KLHL13: variants seen among roughly 807,000 people sequenced by gnomAD.
KLHL13 encodes the protein kelch like family member 13.
A neutral mutation model predicts 37.1 loss-of-function variants in KLHL13; 10 were observed. The ratio of observed to expected loss-of-function variants is 0.27; its 90% CI spans 0.17 to 0.46. KLHL13 has a LOEUF of 0.46. KLHL13 is among the 20% of genes least tolerant of loss of function. The probability of loss-of-function intolerance (pLI) is 1.00; values close to 1 mark genes in which losing one functional copy is unlikely to be tolerated. For missense variants in KLHL13, 360 were observed against 509.3 expected, an observed-to-expected ratio of 0.71 and a Z score of 2.82; for synonymous variants, 163 against 181.2, an observed-to-expected ratio of 0.90 and a Z score of 0.81.
chrX:118,005,832 A>T (rs2053975370), intron 1 of KLHL13, among the ~76,000 whole-genome samples: 1 of 112,217 alleles, frequency 8.9e-6, no homozygotes, highest in Admixed American at 9.5e-5. Context: ...GTAATTTGTT[A>T]CAGCAGCAAT....
exon 5 of KLHL13, chrX:117,909,588 C>T (rs777720582): frequency 4.1e-6 from 5 of 1,209,937 alleles, no homozygotes; most frequent in South Asian, 1.8e-5. Flanking sequence ...ATCATACATG[C>T]GCAATTCCTT....
chrX:118,095,742 C>A (rs1265572894), intron 1 of KLHL13, among the ~76,000 whole-genome samples: 2 of 112,124 alleles, frequency 1.8e-5, no homozygotes, highest in African/African-American at 6.5e-5. Context: ...GAAACTCATT[C>A]AAAACCGCTC....
At chrX:118,112,697 A>AT (rs2055425358) in intron 1 of KLHL13, among the ~76,000 whole-genome samples, 1 of 111,949 alleles carries the variant, frequency 8.9e-6, no homozygotes. Flanking sequence ...TTTGCAGGTT[A>AT]TTCCCCCACA....
rs763576605 is a variant in KLHL13, at chrX:118,021,606, A to G, written c.-55-76031T>C. Among the ~76,000 whole-genome samples the G allele has an allele frequency of 3.2e-4, 35 of 110,825 alleles. No homozygotes were observed. In the East Asian group the frequency reaches 7.6e-3, roughly 24 times the overall value. On this transcript the variant is annotated intron_variant, in intron 1 of 6. Coordinates refer to the KLHL13 transcript ENST00000371882. ...ATGGCTGCATAGTATTCCATAGTGT[A>G]TATGTGCCACATTTTCTTAATCCAG...
chrX:118,066,601 T>G (rs1007985368), intron 1 of KLHL13, among the ~76,000 whole-genome samples: 1 of 111,536 alleles, frequency 9.0e-6, no homozygotes, highest in African/African-American at 3.3e-5. Context: ...ATCTTGTAGC[T>G]ATGAAAAACA....
At chrX:118,111,974 A>T (rs1602733931) in intron 1 of KLHL13, among the ~76,000 whole-genome samples, 1 of 112,197 alleles carries the variant, frequency 8.9e-6, no homozygotes, top group East Asian at 2.8e-4. Flanking sequence ...GTACCATAAG[A>T]GGCAAGTTCT....
At chrX:117,925,256 A>C (rs111665489) in intron 2 of KLHL13, among the ~76,000 whole-genome samples, 7 of 112,272 alleles carry the variant, frequency 6.2e-5, no homozygotes, top group Admixed American at 5.7e-4. Flanking sequence ...GGAATTTGAT[A>C]AACAAATAAT....
intron 1 of KLHL13, among the ~76,000 whole-genome samples, chrX:118,111,896 T>C (rs925185148): frequency 2.7e-5 from 3 of 111,527 alleles, no homozygotes; most frequent in Non-Finnish European, 5.7e-5. Flanking sequence ...CGAGACTCCG[T>C]CTAAAAAAAA....
chrX:117,967,291 A>G (rs113479968), intron 1 of KLHL13, among the ~76,000 whole-genome samples: 2 of 111,873 alleles, frequency 1.8e-5, no homozygotes, highest in Non-Finnish European at 3.8e-5. Flanking sequence ...ATATAAAGCA[A>G]TACATCATGG....
intron 1 of KLHL13, among the ~76,000 whole-genome samples, chrX:118,029,339 A>G (rs2054310968): frequency 8.9e-6 from 1 of 111,926 alleles, no homozygotes; most frequent in African/African-American, 3.2e-5. Flanking sequence ...GCAAAAAAAT[A>G]TAAGCTAGAA....
intron 1 of KLHL13, among the ~76,000 whole-genome samples, chrX:117,993,293 A>C (rs2053815249): frequency 1.8e-5 from 2 of 111,891 alleles, no homozygotes; most frequent in Admixed American, 1.9e-4. Flanking sequence ...AGTGGGTGAC[A>C]TTCAAAAAGA....
chrX:117,980,325 G>A (rs186634578), intron 1 of KLHL13, among the ~76,000 whole-genome samples: 192 of 111,682 alleles, frequency 1.7e-3, no homozygotes, highest in African/African-American at 5.8e-3. Context: ...TATTATTTCA[G>A]AAATACCTAT....
chrX:117,987,218 AT>A (rs769670467), intron 1 of KLHL13, among the ~76,000 whole-genome samples: 5 of 111,247 alleles, frequency 4.5e-5, no homozygotes, highest in African/African-American at 1.6e-4. Flanking sequence ...GTGGAGAGAA[AT>A]TGTGATTGTG....
At chrX:117,932,788 T>C (rs1030860471) in intron 2 of KLHL13, among the ~76,000 whole-genome samples, 3 of 111,910 alleles carry the variant, frequency 2.7e-5, no homozygotes, top group African/African-American at 3.2e-5. Context: ...GGAACTTCCA[T>C]ACTATTTTTT....
At chrX:117,913,041 C>G (rs1205423692) in intron 4 of KLHL13, among the ~76,000 whole-genome samples, 2 of 111,602 alleles carry the variant, frequency 1.8e-5, no homozygotes, top group African/African-American at 6.5e-5. Context: ...TATATGTAAT[C>G]AAAGCTTAAA....
intron 1 of KLHL13, among the ~76,000 whole-genome samples, chrX:118,075,246 C>A (rs187026513): frequency 3.7e-4 from 41 of 111,203 alleles, no homozygotes; most frequent in Non-Finnish European, 2.6e-4. Context: ...GTGTGGAAGA[C>A]GATGAGAATT....
chrX:117,933,414 A>C (rs1932565244), intron 2 of KLHL13, among the ~76,000 whole-genome samples: 1 of 111,580 alleles, frequency 9.0e-6, no homozygotes, highest in African/African-American at 3.3e-5. Context: ...ACATGAGGAA[A>C]GGACAGTCTA....
intron 1 of KLHL13, among the ~76,000 whole-genome samples, chrX:117,999,114 C>CA (rs953103302): frequency 2.7e-5 from 3 of 109,495 alleles, no homozygotes; most frequent in Admixed American, 9.8e-5. Context: ...AGGTTCAAAA[C>CA]AAAAAAAAGA....
intron 1 of KLHL13, among the ~76,000 whole-genome samples, chrX:117,964,522 A>G (rs1221083295): frequency 8.9e-6 from 1 of 112,499 alleles, no homozygotes; most frequent in African/African-American, 3.2e-5. Context: ...TGCCTGGCAC[A>G]TAATAGACAG....
Sources: gnomAD v4.1 joint callset for allele counts (sites outside exome capture counted in the v4.1 genomes callset) on GRCh38, gnomAD v4.1.1 for gene constraint, MANE v1.5 for transcripts, NCBI Gene and HGNC (gene_info 2026-07-23, HGNC 2026-07-21) for gene names.